PCDHA11: variants seen among roughly 807,000 people sequenced by gnomAD.
PCDHA11 encodes the protein protocadherin alpha 11, also known as protocadherin alpha-11.
In PCDHA11, 61 loss-of-function variants were observed where a neutral mutation model predicts 70.3. That is an observed-to-expected ratio of 0.87 (90% CI 0.71 to 1.07). The LOEUF (loss-of-function observed/expected upper bound fraction) is 1.07, where lower values mean the gene tolerates loss of function less well. Among genes scored for constraint, PCDHA11 ranks in the 50% least tolerant of loss-of-function variants. The pLI, the probability that PCDHA11 is intolerant of heterozygous loss-of-function variation, is 0.00. For synonymous variants in PCDHA11, 633 were observed against 555.1 expected, an observed-to-expected ratio of 1.14 and a Z score of -1.97; for missense variants, 1,324 against 1,237.5, an observed-to-expected ratio of 1.07 and a Z score of -1.05.
intron 1 of PCDHA11, chr5:140,876,529 A>G (rs375358450): frequency 1.2e-5 from 19 of 1,614,034 alleles, no homozygotes; most frequent in Non-Finnish European, 1.5e-5. Context: ...AGTAATGGTT[A>G]CTTCACTGTC....
chr5:140,878,257 T>C (rs1266553954), intron 1 of PCDHA11, among the ~76,000 whole-genome samples: 10 of 152,206 alleles, frequency 6.6e-5, no homozygotes, highest in African/African-American at 2.4e-4. Flanking sequence ...CCTCACGTGC[T>C]TAGGCTTTTA....
intron 1 of PCDHA11, among the ~76,000 whole-genome samples, chr5:140,889,584 CT>C (rs1192659128): frequency 1.3e-5 from 2 of 151,792 alleles, no homozygotes; most frequent in Non-Finnish European, 2.9e-5. Context: ...TTTGTTTTTG[CT>C]TTGAAATATT....
intron 1 of PCDHA11, chr5:140,883,371 T>C (rs2059578130): frequency 1.2e-6 from 2 of 1,614,152 alleles, no homozygotes; most frequent in East Asian, 4.5e-5. Flanking sequence ...CCTAGCGCCA[T>C]TATTGCCCTA....
At chr5:140,882,235 A>G (rs782339930) in intron 1 of PCDHA11, 9 of 1,580,864 alleles carry the variant, frequency 5.7e-6, no homozygotes, top group Admixed American at 1.8e-5. Flanking sequence ...CGTTGTATAT[A>G]TTGCAGATAG....
Position 140,887,082 on chromosome 5 carries a change from CT to C in PCDHA11, c.2391+15589del, listed in dbSNP as rs781992332. On this transcript the variant is annotated intron_variant, in intron 1 of 3. Coordinates refer to ENST00000398640, the MANE Select transcript of PCDHA11 (RefSeq NM_018902.5). Reference sequence around the variant, plus strand: ...GGCAACAAATTCACTCAGCTTTTGTCTGAGAAATATCTTTATCTCTTTTTTT... The same window carrying C: ...GGCAACAAATTCACTCAGCTTTTGTCGAGAAATATCTTTATCTCTTTTTTT... 2.0e-5 allele frequency among the ~76,000 whole-genome samples: 3 copies of C among 151,694 alleles called. No individual in the cohort carries two copies. The East Asian group carries it at 5.8e-4, about 29-fold the overall frequency.
At chr5:140,931,793 A>C (rs979670484) in intron 1 of PCDHA11, among the ~76,000 whole-genome samples, 33 of 151,972 alleles carry the variant, frequency 2.2e-4, no homozygotes, top group African/African-American at 7.7e-4. Context: ...TATTGATCTG[A>C]TCTTAATTCT....
chr5:140,921,715 G>A (rs1313930887), intron 1 of PCDHA11, among the ~76,000 whole-genome samples: 9 of 152,080 alleles, frequency 5.9e-5, no homozygotes, highest in African/African-American at 1.7e-4. Flanking sequence ...GTAAACACAC[G>A]AATTACTCCC....
chr5:140,966,917 G>T, intron 1 of PCDHA11: 1 of 1,602,580 alleles, frequency 6.2e-7, no homozygotes, highest in Non-Finnish European at 8.5e-7. Context: ...TGTGCCAGAG[G>T]AGCAGGCACC....
chr5:140,871,543 T>A (rs2053164172), intron 1 of PCDHA11, 49 bp downstream of exon 1: 2 of 1,503,536 alleles, frequency 1.3e-6, no homozygotes, highest in Non-Finnish European at 1.8e-6. Flanking sequence ...GTGAAATTAT[T>A]TAAAATCCAG....
At chr5:140,880,349 TGAATTTA>T in intron 1 of PCDHA11, among the ~76,000 whole-genome samples, 1 of 152,224 alleles carries the variant, frequency 6.6e-6, no homozygotes, top group East Asian at 1.9e-4. Flanking sequence ...AGGCAGCAGG[TGAATTTA>T]GATGAAAACC....
At chr5:140,938,174 G>A (rs1394846002) in intron 1 of PCDHA11, among the ~76,000 whole-genome samples, 3 of 152,200 alleles carry the variant, frequency 2.0e-5, no homozygotes, top group Admixed American at 6.5e-5. Context: ...TGGAGCTCCT[G>A]GGCTCAAGCA....
rs138893413 is a variant in PCDHA11, at chr5:140,976,899, T to C, written c.2392-2050T>C. Among the ~76,000 whole-genome samples, 191 of 152,340 alleles carry C rather than the reference T, an allele frequency of 1.3e-3. 1 individual carries two copies. The highest frequency in any genetic ancestry group is 4.3e-3 in the African/African-American group (179 of 41,576). ...AAGAATTAGGATACATGCAACAGTA[T>C]GTAATAAAGTGCAAAATCTAGTACT... On this transcript the variant is annotated intron_variant, in intron 1 of 3. Transcript: ENST00000398640.
intron 1 of PCDHA11, among the ~76,000 whole-genome samples, chr5:140,916,601 G>A (rs2077638535): frequency 6.6e-6 from 1 of 152,188 alleles, no homozygotes. Flanking sequence ...GGCCTGGAAT[G>A]CGGGCCTCAT....
intron 1 of PCDHA11, among the ~76,000 whole-genome samples, chr5:140,906,631 C>A (rs919514401): frequency 6.6e-6 from 1 of 152,238 alleles, no homozygotes; most frequent in East Asian, 1.9e-4. Context: ...TCAGCAAGCA[C>A]CTCAGCAGGT....
At position 140,877,459 on chromosome 5, in the gene PCDHA11, G is replaced by A. The variant is rs782125799; in HGVS notation, c.2391+5965G>A. ...CGGTGAGCCCGCGCTGACGTCCACGGCCACGGTGCTGGTGTCGCTGGTGGA... is the reference window on the plus strand; with the variant it reads ...CGGTGAGCCCGCGCTGACGTCCACGACCACGGTGCTGGTGTCGCTGGTGGA... On this transcript the variant is annotated intron_variant, in intron 1 of 3. Coordinates refer to ENST00000398640, the MANE Select transcript of PCDHA11 (RefSeq NM_018902.5). 98 of 1,613,712 alleles carry A rather than the reference G, an allele frequency of 6.1e-5. No individual in the cohort carries two copies. The East Asian group carries it at 2.1e-3, about 35-fold the overall frequency.
chr5:140,899,936 T>A (rs1443562291), intron 1 of PCDHA11, among the ~76,000 whole-genome samples: 1 of 152,064 alleles, frequency 6.6e-6, no homozygotes, highest in Non-Finnish European at 1.5e-5. Context: ...GCCTCCTGAA[T>A]AGCTGGGACC....
chr5:140,873,534 T>C (rs1274405604), intron 1 of PCDHA11, among the ~76,000 whole-genome samples: 1 of 152,184 alleles, frequency 6.6e-6, no homozygotes, highest in Non-Finnish European at 1.5e-5. Context: ...CATTCTATGG[T>C]ATAAAATTAT....
chr5:140,892,461 G>A lies in PCDHA11; in HGVS notation c.2391+20967G>A, dbSNP rs187904355. On this transcript the variant is annotated intron_variant, in intron 1 of 3. Coordinates refer to ENST00000398640, the MANE Select transcript of PCDHA11 (RefSeq NM_018902.5). ...AAATTTACATGTATTCTTTAAGTAC[G>A]GTTATTCAGTTTCCTAGCCAAACAT... 2.1e-3 allele frequency among the ~76,000 whole-genome samples: 317 copies of A among 152,150 alleles called. 1 individual carries two copies. Among genetic ancestry groups the A allele is most frequent in the Non-Finnish European group, 3.5e-3 (237 of 68,004 alleles).
chr5:140,965,031 T>C (rs1211247687), intron 1 of PCDHA11, among the ~76,000 whole-genome samples: 3 of 152,208 alleles, frequency 2.0e-5, no homozygotes, highest in African/African-American at 7.2e-5. Flanking sequence ...CTCCTTTAAC[T>C]GTCCGCTCTA....
Sources: allele counts gnomAD v4.1 joint callset (sites outside exome capture counted in the v4.1 genomes callset), GRCh38; gene constraint gnomAD v4.1.1; transcripts MANE v1.5; gene names NCBI Gene and HGNC (gene_info 2026-07-23, HGNC 2026-07-21).